The following HHATL variants were observed in gnomAD, a reference collection of about 807,000 sequenced individuals.
The protein encoded by HHATL is protein-cysteine N-palmitoyltransferase HHAT-like protein.
Under a neutral mutation model 59.7 loss-of-function variants are expected in HHATL, and 49 were observed. The ratio of observed to expected loss-of-function variants is 0.82; its 90% CI spans 0.65 to 1.04. The LOEUF (loss-of-function observed/expected upper bound fraction) is 1.04. Among genes scored for constraint, HHATL ranks in the 50% least tolerant of loss-of-function variants. HHATL has a pLI of 0.00. For synonymous variants in HHATL, 238 were observed against 257.3 expected (o/e 0.93, Z 0.72); for missense variants, 605 against 650.8 (o/e 0.93, Z 0.77).
rs770049455 is a variant in HHATL at position 42,698,906 on chromosome 3, T to G, written c.289-4A>C. ...CAGCATACATCCAGGAGCGGAGCTG[T>G]GGGCAGGGAGAAGGCTTCAGTTTCG... On this transcript the variant is annotated splice_region_variant and splice_polypyrimidine_tract_variant and intron_variant, in intron 4 of 11. Transcript: ENST00000441594. The G allele has an allele frequency of 6.2e-7, 1 of 1,604,916 alleles. No homozygotes were observed. Among genetic ancestry groups the G allele is most frequent in the Non-Finnish European group, 8.5e-7 (1 of 1,174,734 alleles).
rs773633654 is a variant in HHATL, at chr3:42,697,059, G to T, written c.952C>A (p.His318Asn). Residue 318 changes from histidine to asparagine, a missense_variant, in exon 8 of 12, where the codon CAC (histidine) becomes AAC (asparagine). Physicochemically the swap from His to Asn is moderately conservative, Grantham distance 68. Transcript: ENST00000441594. ...GVVNTVACLD[H>N]LDPPQPPKCI... is the part of the protein sequence containing the mutation. ...TTGGGAGGCTGGGGTGGGTCCAGGTGGTCGAGGCATGCCACAGTGTTGACA... is the reference window on the plus strand; with the variant it reads ...TTGGGAGGCTGGGGTGGGTCCAGGTTGTCGAGGCATGCCACAGTGTTGACA... 1 of 1,591,844 alleles carries T rather than the reference G, an allele frequency of 6.3e-7. No individual in the cohort carries two copies. Among genetic ancestry groups the T allele is most frequent in the East Asian group, 2.2e-5 (1 of 44,650 alleles).
In HHATL at chr3:42,697,160, C is replaced by T; in HGVS notation, c.866-15G>A. Reference sequence around the variant, plus strand: ...GGCTAGGCCAGCTGGGGGCAGGGCACTGTCACTGCCTGGGGTCCAATCGCC... The same window carrying T: ...GGCTAGGCCAGCTGGGGGCAGGGCATTGTCACTGCCTGGGGTCCAATCGCC... On this transcript the variant is annotated splice_polypyrimidine_tract_variant and intron_variant, in intron 7 of 11. Transcript: ENST00000441594. The T allele has an allele frequency of 6.6e-7, 1 of 1,514,684 alleles. No homozygotes were observed. Among genetic ancestry groups the T allele is most frequent in the Non-Finnish European group, 8.8e-7 (1 of 1,131,616 alleles). The allele number at this position is 1,514,684 out of a possible 1,614,324, so 93.8% of individuals were successfully genotyped here. A position where few individuals can be genotyped will look rare whatever the true frequency, so the allele number is the denominator to read the frequency against.
In HHATL at chr3:42,692,895, T is replaced by C. The variant is rs1189462515; in HGVS notation, c.1391-20A>G. ...GGAACCCTGTGTGGGGAGGGAGTCA[T>C]AGATGCTCAGGAGCAGCACTGCATC... On this transcript the variant is annotated intron_variant, in intron 11 of 11. Coordinates refer to ENST00000441594, the MANE Select transcript of HHATL (RefSeq NM_020707.4). 18 of 1,612,064 alleles carry C rather than the reference T, an allele frequency of 1.1e-5. No individual in the cohort carries two copies. The highest frequency in any genetic ancestry group is 1.5e-5 in the Non-Finnish European group (18 of 1,178,156).
In HHATL at chr3:42,700,738, A is replaced by T. The variant is rs758271148; in HGVS notation, c.89T>A (p.Leu30His). 3.1e-6 allele frequency: 5 copies of T among 1,612,578 alleles called. No homozygotes were observed. Among genetic ancestry groups the T allele is most frequent in the Non-Finnish European group, 4.2e-6 (5 of 1,178,912 alleles). ...GCCATTACCTTGTGAAGCCTCAAGG[A>T]GGCCCCGGCCAGCATAGGCCAGGGC... ...SGALAYAGRGLLEASQDGAHR... is the reference protein window; with the variant it reads ...SGALAYAGRGHLEASQDGAHR... The change falls in exon 2 of 12, where the codon CTC becomes CAC. Residue 30 changes from leucine to histidine, a missense_variant. Physicochemically the swap from Leu to His is moderately conservative, Grantham distance 99. Transcript: ENST00000441594.
intron 5 of HHATL, 57 bp downstream of exon 5, chr3:42,698,651 G>T: frequency 6.6e-7 from 1 of 1,504,088 alleles, no homozygotes; most frequent in Non-Finnish European, 8.9e-7. Flanking sequence ...GACTTTGGAT[G>T]AAGTGAGAGG....
chr3:42,699,968 T>A, intron 2 of HHATL, 143 bp from the exon 3 acceptor site: 1 of 655,194 alleles, frequency 1.5e-6, no homozygotes, highest in Non-Finnish European at 2.7e-6. Flanking sequence ...CTGCATCTGC[T>A]TCTTTCTGGG....
In HHATL at chr3:42,693,188, C is replaced by G; in HGVS notation, c.1279G>C (p.Val427Leu). The change falls in exon 11 of 12, where the codon GTC becomes CTC. Residue 427 changes from valine (V) to leucine (L), a missense_variant. Coordinates refer to ENST00000441594, the MANE Select transcript of HHATL (RefSeq NM_020707.4). ...ASLSVQMSRR[V>L]RALFGAMNFW... is the part of the protein sequence containing the mutation. ...TTCATGGCTCCAAACAGGGCCCGGA[C>G]CCTACGGGACATCTGCACTGACAGA... The G allele has an allele frequency of 6.2e-7, 1 of 1,614,118 alleles. No homozygotes were observed. Among genetic ancestry groups the G allele is most frequent in the Non-Finnish European group, 8.5e-7 (1 of 1,180,016 alleles).
Position 42,698,775 on chromosome 3 carries a change from C to A in HHATL, c.416G>T (p.Trp139Leu). 2 of 1,611,712 alleles carry A rather than the reference C, an allele frequency of 1.2e-6. No homozygotes were observed. Among genetic ancestry groups the A allele is most frequent in the East Asian group, 4.5e-5 (2 of 44,854 alleles). Residue 139 changes from tryptophan to leucine, a missense_variant, in exon 5 of 12, where the codon TGG (tryptophan) becomes TTG (leucine). Transcript: ENST00000441594. ...LYVASLLGQPWLCLGLGLASL... is the reference protein window; with the variant it reads ...LYVASLLGQPLLCLGLGLASL... ...GGCCAAGCCAAGGCCAAGACAGAGCCAGGGCTGGCCCAAAAGCGAGGCCAC... is the reference window on the plus strand; with the variant it reads ...GGCCAAGCCAAGGCCAAGACAGAGCAAGGGCTGGCCCAAAAGCGAGGCCAC...
chr3:42,698,574 G>T, intron 5 of HHATL, 134 bp downstream of exon 5: 1 of 1,137,952 alleles, frequency 8.8e-7, no homozygotes, highest in Non-Finnish European at 1.3e-6. Flanking sequence ...TTGTGGCCAG[G>T]ACATACCCAA....
At position 42,696,843 on chromosome 3, in the gene HHATL, T is replaced by C. The variant is rs1697633478; in HGVS notation, c.1045A>G (p.Lys349Glu). The change falls in exon 9 of 12, where the codon AAA (lysine) becomes GAA (glutamate). Residue 349 changes from lysine to glutamate, a missense_variant and splice_region_variant. Coordinates refer to ENST00000441594, the MANE Select transcript of HHATL (RefSeq NM_020707.4). Reference protein sequence around the residue: ...FDRGINDWLCKYVYNHIGGEH... With the variant: ...FDRGINDWLCEYVYNHIGGEH... ...CACCCCCACCCCACTCCTACTCACT[T>C]GCAAAGCCAGTCGTTGATGCCACGG... 1 of 1,614,044 alleles carries C rather than the reference T, an allele frequency of 6.2e-7. No homozygotes were observed.
intron 6 of HHATL, 138 bp from the exon 7 acceptor site, chr3:42,697,817 T>A: frequency 2.2e-6 from 2 of 918,130 alleles, no homozygotes; most frequent in Non-Finnish European, 3.2e-6. Flanking sequence ...GAGACAGAGG[T>A]CACCCTGGAG....
chr3:42,702,486 C>T lies in HHATL; in HGVS notation c.-14+93G>A, dbSNP rs536006919. The T allele has an allele frequency of 2.7e-3, 419 of 152,768 alleles. 2 individuals carry two copies. Among genetic ancestry groups the T allele is most frequent in the Non-Finnish European group, 5.1e-3 (349 of 68,414 alleles). 9.5% of individuals were successfully genotyped at this position (152,768 alleles called of 1,614,324 possible). ...CCCCAGATGCCCCGGGGGTAAAGCC[C>T]CTTTTGGGGCCTGTGATTTGGGATG... is the stretch of plus-strand genomic sequence containing the variant. On this transcript the variant is annotated intron_variant, in intron 1 of 11. Coordinates refer to ENST00000441594, the MANE Select transcript of HHATL (RefSeq NM_020707.4).
chr3:42,697,062 CGAG>C lies in HHATL; in HGVS notation c.946_948del (p.Leu316del). 6.3e-7 allele frequency: 1 copy of C among 1,589,136 alleles called. No homozygotes were observed. The highest frequency in any genetic ancestry group is 8.6e-7 in the Non-Finnish European group (1 of 1,166,734). On this transcript the variant is annotated inframe_deletion, in exon 8 of 12. Coordinates refer to ENST00000441594, the MANE Select transcript of HHATL (RefSeq NM_020707.4). ...GGAGGCTGGGGTGGGTCCAGGTGGT[CGAG>C]GCATGCCACAGTGTTGACAACACCA...
At chr3:42,694,039 T>C (rs916994498) in intron 9 of HHATL, 2 of 581,178 alleles carry the variant, frequency 3.4e-6, no homozygotes, top group Non-Finnish European at 6.2e-6. Context: ...ACTTCCCAAA[T>C]GATCTCATCC....
chr3:42,699,151 G>A lies in HHATL; in HGVS notation c.175-6C>T. ...CACTCGAAGTCAGCCACATCCTGGGGCAGTCCGGGGCAGAAGGAGGTGGGG... is the reference window on the plus strand; with the variant it reads ...CACTCGAAGTCAGCCACATCCTGGGACAGTCCGGGGCAGAAGGAGGTGGGG... On this transcript the variant is annotated splice_region_variant and splice_polypyrimidine_tract_variant and intron_variant, in intron 3 of 11. Coordinates refer to ENST00000441594, the MANE Select transcript of HHATL (RefSeq NM_020707.4). 1.2e-6 allele frequency: 2 copies of A among 1,609,306 alleles called. No homozygotes were observed. The highest frequency in any genetic ancestry group is 1.7e-6 in the Non-Finnish European group (2 of 1,175,620).
At chr3:42,697,308 T>C (rs1270872258) in intron 7 of HHATL, among the ~76,000 whole-genome samples, 163 bp from the exon 8 acceptor site, 1 of 152,004 alleles carries the variant, frequency 6.6e-6, no homozygotes, top group East Asian at 1.9e-4. Context: ...GTGGGTGGGG[T>C]CCGTGGGATG....
At position 42,701,063 on chromosome 3, in the gene HHATL, A is replaced by G; in HGVS notation, c.-13-224T>C. The G allele has an allele frequency of 2.0e-6, 1 of 509,410 alleles. No individual in the cohort carries two copies. The highest frequency in any genetic ancestry group is 3.5e-6 in the Non-Finnish European group (1 of 283,800). The allele number at this position is 509,410 out of a possible 1,614,324, so 31.6% of individuals were successfully genotyped here. A position where few individuals can be genotyped will look rare whatever the true frequency, so the allele number is the denominator to read the frequency against. ...TGCTGCTCTTGCCCCCACCCCACCC[A>G]TCAAGGCTCTTGCCCGCAGAGCCCT... On this transcript the variant is annotated intron_variant, in intron 1 of 11. Coordinates refer to ENST00000441594, the MANE Select transcript of HHATL (RefSeq NM_020707.4). The surrounding 1 kb of genome is among the most constrained non-coding windows in gnomAD (Gnocchi z 5.1).
Position 42,697,708 on chromosome 3 carries a change from G to A in HHATL, c.694-29C>T, listed in dbSNP as rs758801599. 6.2e-6 allele frequency: 10 copies of A among 1,603,676 alleles called. No individual in the cohort carries two copies. The Admixed American group carries it at 1.0e-4, about 16-fold the overall frequency. On this transcript the variant is annotated intron_variant, in intron 6 of 11. Transcript: ENST00000441594. ...GGGGGATGCGAAGGGTCTGAGGGAA[G>A]AGGCAAGCCCTGCCTGGGGAGCCCT...
rs768297166 is a variant in HHATL at position 42,697,508 on chromosome 3, C to A, written c.865G>T (p.Ala289Ser). Reference protein sequence around the residue: ...FANRLPDSALAGLAYSNLVYD... With the variant: ...FANRLPDSALSGLAYSNLVYD... Reference sequence around the variant, plus strand: ...CCCCATTTCTCTTCTGTGGACCCACCGAGGGCACTGTCTGGGAGGCGGTTG... The same window carrying A: ...CCCCATTTCTCTTCTGTGGACCCACAGAGGGCACTGTCTGGGAGGCGGTTG... Residue 289 changes from alanine to serine, a missense_variant and splice_region_variant, in exon 7 of 12, where the codon GCT (alanine) becomes TCT (serine). Coordinates refer to ENST00000441594, the MANE Select transcript of HHATL (RefSeq NM_020707.4). The A allele has an allele frequency of 1.2e-6, 2 of 1,613,210 alleles. No homozygotes were observed. The highest frequency in any genetic ancestry group is 1.7e-6 in the Non-Finnish European group (2 of 1,179,480).
Sources: allele counts gnomAD v4.1 joint callset (sites outside exome capture counted in the v4.1 genomes callset), GRCh38; gene constraint gnomAD v4.1.1; non-coding constraint Gnocchi (gnomAD v3.1); transcripts MANE v1.5; gene names NCBI Gene and HGNC (gene_info 2026-07-23, HGNC 2026-07-21).